GPHN: variants seen among roughly 807,000 people sequenced by gnomAD.
GPHN encodes gephyrin.
A neutral mutation model predicts 95.5 loss-of-function variants in GPHN; 17 were observed. That is an observed-to-expected ratio of 0.18 (90% CI 0.12 to 0.27). GPHN has a LOEUF of 0.27. Among genes scored for constraint, GPHN ranks in the 10% least tolerant of loss-of-function variants. GPHN has a pLI of 1.00. For synonymous variants in GPHN, 320 were observed against 322.5 expected (o/e 0.99, Z 0.08); for missense variants, 660 against 978.1 (o/e 0.67, Z 4.34).
At chr14:67,628,137 A>G in the GPHN span, among the ~76,000 whole-genome samples, 1 of 152,122 alleles carries the variant, frequency 6.6e-6, no homozygotes, top group African/African-American at 2.4e-5. Context: ...GGCCCTCTCC[A>G]ATCTCACCTG....
the GPHN span, among the ~76,000 whole-genome samples, chr14:67,431,697 CA>C: frequency 6.9e-6 from 1 of 145,202 alleles, no homozygotes; most frequent in Non-Finnish European, 1.5e-5. Context: ...AACTCAACAA[CA>C]GCAGCAGCAG....
the GPHN span, chr14:67,722,332 G>A: frequency 4.2e-6 from 2 of 480,336 alleles, no homozygotes; most frequent in South Asian, 2.2e-5. Flanking sequence ...AGGATGGGGG[G>A]TTTAGGGGGT....
At chr14:67,473,380 G>A in the GPHN span, 1 of 1,600,284 alleles carries the variant, frequency 6.2e-7, no homozygotes, top group Non-Finnish European at 8.5e-7. This position sits in a 1 kb window ranked among gnomAD's most constrained non-coding sequence, Gnocchi z 6.5. Flanking sequence ...TTGTCCATGA[G>A]TTCCATGAGA....
the GPHN span, among the ~76,000 whole-genome samples, chr14:67,672,687 C>A: frequency 6.6e-6 from 1 of 151,956 alleles, no homozygotes; most frequent in Non-Finnish European, 1.5e-5. Flanking sequence ...AAGTGATCCG[C>A]CCGCCTCGGC....
At chr14:67,225,228 G>T in the GPHN span, 1 of 1,523,092 alleles carries the variant, frequency 6.6e-7, no homozygotes, top group South Asian at 1.3e-5. Flanking sequence ...AACAGAAAAA[G>T]ACAAAGTTGA....
intron 9 of GPHN, among the ~76,000 whole-genome samples, chr14:67,011,281 G>A (rs1161293395): frequency 6.6e-6 from 1 of 151,850 alleles, no homozygotes; most frequent in Non-Finnish European, 1.5e-5. Context: ...GAACAAAACA[G>A]AATATTAAAG....
chr14:66,921,263 T>G (rs2066201468), intron 6 of GPHN, among the ~76,000 whole-genome samples: 1 of 152,178 alleles, frequency 6.6e-6, no homozygotes, highest in South Asian at 2.1e-4. Context: ...CATCTACTGT[T>G]TTTTGATTAT....
chr14:66,799,200 T>TA (rs2060260962), intron 3 of GPHN, among the ~76,000 whole-genome samples: 1 of 152,014 alleles, frequency 6.6e-6, no homozygotes, highest in Non-Finnish European at 1.5e-5. Context: ...TTTTAGTTTT[T>TA]AAAAAATGTT....
the GPHN span, among the ~76,000 whole-genome samples, chr14:67,712,070 C>T: frequency 6.6e-6 from 1 of 152,142 alleles, no homozygotes; most frequent in African/African-American, 2.4e-5. Flanking sequence ...CAGACATGTG[C>T]CACCACACCC....
chr14:66,841,040 G>C (rs1215912334), intron 4 of GPHN, among the ~76,000 whole-genome samples: 1 of 133,750 alleles, frequency 7.5e-6, no homozygotes, highest in African/African-American at 2.9e-5. Context: ...TATAGGTATA[G>C]ATATAGATAT....
At chr14:67,339,390 A>G in the GPHN span, among the ~76,000 whole-genome samples, 1 of 152,148 alleles carries the variant, frequency 6.6e-6, no homozygotes, top group East Asian at 1.9e-4. Context: ...GGCTCAACAC[A>G]ACCCTGAGTA....
intron 1 of GPHN, among the ~76,000 whole-genome samples, chr14:66,524,517 C>G (rs1052902113): frequency 6.6e-6 from 1 of 152,066 alleles, no homozygotes; most frequent in Non-Finnish European, 1.5e-5. Flanking sequence ...TATTATTATA[C>G]TTTAAGTTCT....
At chr14:66,544,487 T>C (rs2140097265) in intron 1 of GPHN, among the ~76,000 whole-genome samples, 1 of 152,360 alleles carries the variant, frequency 6.6e-6, no homozygotes, top group South Asian at 2.1e-4. Flanking sequence ...TTTACCGATA[T>C]ATTTCAAGTA....
intron 4 of GPHN, among the ~76,000 whole-genome samples, chr14:66,835,460 C>G (rs2061759086): frequency 6.6e-6 from 1 of 151,936 alleles, no homozygotes; most frequent in Admixed American, 6.6e-5. Flanking sequence ...ATAATAAGAG[C>G]TATCTATGAC....
chr14:67,113,730 G>C (rs964077944), intron 16 of GPHN, among the ~76,000 whole-genome samples: 6 of 152,042 alleles, frequency 3.9e-5, no homozygotes, highest in African/African-American at 1.4e-4. Context: ...GGGTCAAAAT[G>C]TCTTTTCATT....
the GPHN span, chr14:67,411,947 G>C: frequency 1.2e-5 from 17 of 1,378,402 alleles, no homozygotes; most frequent in Non-Finnish European, 1.7e-5. Flanking sequence ...GCGCGCGTCT[G>C]GCCCCGCTCT....
intron 2 of GPHN, among the ~76,000 whole-genome samples, chr14:66,705,504 G>A (rs1328517541): frequency 1.3e-5 from 2 of 152,124 alleles, no homozygotes; most frequent in Admixed American, 1.3e-4. Context: ...TGCAAGGCTG[G>A]TTCAACATAC....
chr14:66,905,605 A>C (rs895886352), intron 5 of GPHN, among the ~76,000 whole-genome samples: 1 of 152,058 alleles, frequency 6.6e-6, no homozygotes, highest in African/African-American at 2.4e-5. Context: ...ATTCAGGGGT[A>C]CATGTACAGG....
the GPHN span, chr14:67,397,536 T>G: frequency 1.3e-6 from 1 of 766,846 alleles, no homozygotes; most frequent in Non-Finnish European, 2.0e-6. Flanking sequence ...GGAGCCAGGA[T>G]TTGAATCCAA....
Sources: allele counts gnomAD v4.1 joint callset (sites outside exome capture counted in the v4.1 genomes callset), GRCh38; gene constraint gnomAD v4.1.1; non-coding constraint Gnocchi (gnomAD v3.1); transcripts MANE v1.5; gene names NCBI Gene and HGNC (gene_info 2026-07-23, HGNC 2026-07-21).